ASB9: variants seen among roughly 807,000 people sequenced by gnomAD.
The protein encoded by ASB9 is ankyrin repeat and SOCS box protein 9.
In ASB9, 5 loss-of-function variants were observed where a neutral mutation model predicts 16.6. The ratio of observed to expected loss-of-function variants is 0.30; its 90% CI spans 0.16 to 0.63. The LOEUF is 0.63. ASB9 is among the 30% of genes least tolerant of loss of function. The pLI is 0.82. For synonymous variants in ASB9, 100 were observed against 86.4 expected (o/e 1.16, Z -0.87); for missense variants, 216 against 229.4 (o/e 0.94, Z 0.38).
At chrX:15,247,641 A>G (rs761858799) in intron 6 of ASB9, among the ~76,000 whole-genome samples, 4 of 112,745 alleles carry the variant, frequency 3.5e-5, no homozygotes, top group East Asian at 5.6e-4. Context: ...AAAAATTAAG[A>G]TATTTTTATG....
At chrX:15,261,457 G>C (rs62580236) in intron 1 of ASB9, among the ~76,000 whole-genome samples, 13,173 of 111,147 alleles carry the variant, frequency 0.12, 715 homozygotes, top group African/African-American at 0.22. Context: ...TTGTCGACAG[G>C]CTAAACAGTC....
Position 15,255,055 on chromosome X carries a change from T to G in ASB9, c.175-211A>C, listed in dbSNP as rs1275739337. ...TAACCACTCAGGAAAACAGTTTGAC[T>G]GTATCTATTAGAGCTGACAATGCAT... On this transcript the variant is annotated intron_variant, in intron 2 of 6. Transcript: ENST00000380488. 2.7e-5 allele frequency among the ~76,000 whole-genome samples: 3 copies of G among 111,363 alleles called. No individual in the cohort carries two copies. In the East Asian group the frequency reaches 8.4e-4, roughly 31 times the overall value.
chrX:15,245,680 T>G (rs762498671), intron 6 of ASB9, among the ~76,000 whole-genome samples: 1 of 111,619 alleles, frequency 9.0e-6, no homozygotes, highest in African/African-American at 3.3e-5. Context: ...CAGTTATTGT[T>G]GGGTGAAGCC....
intron 2 of ASB9, among the ~76,000 whole-genome samples, chrX:15,256,045 C>T (rs185706611): frequency 3.6e-5 from 4 of 111,272 alleles, no homozygotes; most frequent in Non-Finnish European, 7.5e-5. Flanking sequence ...GGTCAACAAA[C>T]AGTAGCCTAC....
chrX:15,248,760 G>A lies in ASB9; in HGVS notation c.744C>T (p.Leu248=), dbSNP rs746011754. ...AAGAAGCACCTTCTCTCTCCAAGAAGAGCTGGGCCAAGGGGCTCTCTGGAG... is the reference window on the plus strand; with the variant it reads ...AAGAAGCACCTTCTCTCTCCAAGAAAAGCTGGGCCAAGGGGCTCTCTGGAG... ...LVPPESPLAQ[L]FLEREGPPSL... is the part of the protein sequence containing the mutation. Residue 248 remains leucine (L), a synonymous_variant, in exon 6 of 7, where the codon CTC becomes CTT. Transcript: ENST00000380488. 3.3e-6 allele frequency: 4 copies of A among 1,209,139 alleles called. No individual in the cohort carries two copies. Among genetic ancestry groups the A allele is most frequent in the Non-Finnish European group, 4.5e-6 (4 of 893,877 alleles).
intron 6 of ASB9, 33 bp downstream of exon 6, chrX:15,248,711 C>A (rs1284961916): frequency 2.6e-6 from 3 of 1,171,599 alleles, no homozygotes. Context: ...GGGATGTCAA[C>A]AGATTAGGGC....
chrX:15,246,231 A>G (rs1410387855), intron 6 of ASB9, among the ~76,000 whole-genome samples: 3 of 111,833 alleles, frequency 2.7e-5, no homozygotes, highest in Non-Finnish European at 5.6e-5. Context: ...CAGTGTATTA[A>G]TAACTACTGA....
Position 15,248,757 on chromosome X carries a change from G to A in ASB9, c.747C>T (p.Phe249=). 1 of 1,207,823 alleles carries A rather than the reference G, an allele frequency of 8.3e-7. No homozygotes were observed. Residue 249 remains phenylalanine (F), a synonymous_variant, in exon 6 of 7, where the codon TTC becomes TTT. Coordinates refer to ENST00000380488, the MANE Select transcript of ASB9 (RefSeq NM_001031739.3). The stretch of plus-strand genomic sequence containing the variant: ...GCAAAGAAGCACCTTCTCTCTCCAA[G>A]AAGAGCTGGGCCAAGGGGCTCTCTG... ...VPPESPLAQL[F]LEREGPPSLM... is the part of the protein sequence containing the mutation.
chrX:15,256,791 A>G (rs1230655235), intron 2 of ASB9, among the ~76,000 whole-genome samples: 10 of 107,056 alleles, frequency 9.3e-5, no homozygotes, highest in South Asian at 4.2e-4. Context: ...AAAAAAAAAA[A>G]AAAGAAAGAA....
chrX:15,266,860 C>T (rs1380936323), intron 1 of ASB9, among the ~76,000 whole-genome samples: 2 of 107,040 alleles, frequency 1.9e-5, no homozygotes, highest in Admixed American at 2.0e-4. Context: ...GGCGTGAACC[C>T]GGGAGGCGGA....
Position 15,252,539 on chromosome X carries a change from C to T in ASB9, c.283-135G>A, listed in dbSNP as rs371743922. The T allele has an allele frequency of 2.2e-5, 14 of 629,917 alleles. No homozygotes were observed. In the South Asian group the frequency reaches 2.3e-4, roughly 10 times the overall value. 51.9% of individuals were successfully genotyped at this position (629,917 alleles called of 1,213,427 possible). A position where few individuals can be genotyped will look rare whatever the true frequency, so the allele number is the denominator to read the frequency against. ...CAGCTATAAAATGGAGAAATAACTACGAAATTCCACAGGTTTTTGTGAAAA... is the reference window on the plus strand; with the variant it reads ...CAGCTATAAAATGGAGAAATAACTATGAAATTCCACAGGTTTTTGTGAAAA... On this transcript the variant is annotated intron_variant, in intron 3 of 6. Coordinates refer to ENST00000380488, the MANE Select transcript of ASB9 (RefSeq NM_001031739.3).
At chrX:15,257,513 CAAA>C (rs1159694137) in intron 2 of ASB9, among the ~76,000 whole-genome samples, 1 of 111,634 alleles carries the variant, frequency 9.0e-6, no homozygotes, top group African/African-American at 3.3e-5. Context: ...ATTCGTAACA[CAAA>C]AAGTTTTCAC....
At chrX:15,267,425 T>TTAAAAAAAAAA (rs377056337) in intron 1 of ASB9, among the ~76,000 whole-genome samples, 2 of 87,670 alleles carry the variant, frequency 2.3e-5, no homozygotes, top group African/African-American at 8.3e-5. Context: ...AAAATATATA[T>TTAAAAAAAAAA]ATATATATAA....
At chrX:15,257,773 G>A (rs12851530) in intron 2 of ASB9, among the ~76,000 whole-genome samples, 1 of 110,787 alleles carries the variant, frequency 9.0e-6, no homozygotes, top group East Asian at 2.8e-4. Context: ...CGTCAACTAC[G>A]CTTAGTTGAC....
chrX:15,252,487 T>A, intron 3 of ASB9, 83 bp from the exon 4 acceptor site: 15 of 898,559 alleles, frequency 1.7e-5, no homozygotes, highest in Non-Finnish European at 2.3e-5. Flanking sequence ...GAAGATGTTA[T>A]TTAACATCTC....
chrX:15,265,964 C>T (rs1017188182), intron 1 of ASB9, among the ~76,000 whole-genome samples: 6 of 110,048 alleles, frequency 5.5e-5, no homozygotes, highest in Admixed American at 9.6e-5. Context: ...CCACCATGCC[C>T]GGCTAATTTT....
intron 2 of ASB9, among the ~76,000 whole-genome samples, chrX:15,255,973 C>T (rs1925501151): frequency 9.0e-6 from 1 of 111,391 alleles, no homozygotes; most frequent in Non-Finnish European, 1.9e-5. Context: ...AAAAACCCTC[C>T]TTTTCCTGAC....
intron 3 of ASB9, among the ~76,000 whole-genome samples, chrX:15,253,249 AAAG>A (rs1299212269): frequency 7.3e-5 from 8 of 108,936 alleles, no homozygotes; most frequent in Non-Finnish European, 1.5e-4. Context: ...AAGAAAGAAA[AAAG>A]AAAAACGTAT....
chrX:15,246,563 C>T (rs1924683925), intron 6 of ASB9, among the ~76,000 whole-genome samples: 1 of 111,723 alleles, frequency 9.0e-6, no homozygotes, highest in African/African-American at 3.3e-5. Context: ...GCAAGCTCCA[C>T]TTCCCAGGTT....
Sources: gnomAD v4.1 joint callset for allele counts (sites outside exome capture counted in the v4.1 genomes callset) on GRCh38, gnomAD v4.1.1 for gene constraint, MANE v1.5 for transcripts, NCBI Gene and HGNC (gene_info 2026-07-23, HGNC 2026-07-21) for gene names.